ARMC1: variants seen among roughly 807,000 people sequenced by gnomAD.
ARMC1 encodes armadillo repeat-containing protein 1.
In ARMC1, 16 loss-of-function variants were observed where a neutral mutation model predicts 31.4. The ratio of observed to expected loss-of-function variants is 0.51; its 90% CI spans 0.34 to 0.77. The LOEUF (loss-of-function observed/expected upper bound fraction) is 0.77. Ranked by LOEUF, ARMC1 falls within the 30% of genes least tolerant of loss-of-function variation. The pLI is 0.01. For missense variants in ARMC1, 259 were observed against 347.5 expected, an observed-to-expected ratio of 0.75 and a Z score of 2.02; for synonymous variants, 114 against 118.9, an observed-to-expected ratio of 0.96 and a Z score of 0.27.
chr8:65,607,436 G>C (rs985315689), intron 4 of ARMC1, among the ~76,000 whole-genome samples: 1 of 152,252 alleles, frequency 6.6e-6, no homozygotes, highest in African/African-American at 2.4e-5. Context: ...ACCACAGGTA[G>C]AGTCTGGTAC....
chr8:65,607,603 C>T (rs780210088), intron 4 of ARMC1, among the ~76,000 whole-genome samples: 10 of 152,176 alleles, frequency 6.6e-5, no homozygotes, highest in Non-Finnish European at 1.2e-4. Flanking sequence ...TTTTGGTCAT[C>T]GCTGTATCCC....
intron 3 of ARMC1, among the ~76,000 whole-genome samples, chr8:65,620,914 T>C (rs1285543176): frequency 6.6e-6 from 1 of 151,568 alleles, no homozygotes; most frequent in Admixed American, 6.6e-5. Context: ...CTAGGCAACA[T>C]AGTGAGACCA....
At chr8:65,621,916 G>A (rs1259129510) in intron 3 of ARMC1, among the ~76,000 whole-genome samples, 7 of 151,872 alleles carry the variant, frequency 4.6e-5, no homozygotes, top group African/African-American at 1.7e-4. Context: ...TGACTAATTT[G>A]TAATTTTTCT....
chr8:65,626,168 G>A (rs1808507741), intron 2 of ARMC1, among the ~76,000 whole-genome samples: 1 of 152,124 alleles, frequency 6.6e-6, no homozygotes, highest in Admixed American at 6.6e-5. Flanking sequence ...TAGGATTACA[G>A]GAGTGAGCCA....
intron 2 of ARMC1, among the ~76,000 whole-genome samples, chr8:65,624,443 G>A (rs991573054): frequency 7.6e-6 from 1 of 130,858 alleles, no homozygotes; most frequent in African/African-American, 2.8e-5. Context: ...AGGTTGCAGT[G>A]AGCTGAGATT....
chr8:65,609,133 C>CTTT (rs63319761), intron 4 of ARMC1, among the ~76,000 whole-genome samples: 1 of 107,628 alleles, frequency 9.3e-6, no homozygotes, highest in African/African-American at 3.0e-5. Context: ...GGTTTCTGCT[C>CTTT]TTTTTTTTTT....
intron 4 of ARMC1, among the ~76,000 whole-genome samples, chr8:65,611,876 C>T (rs1244744914): frequency 3.3e-5 from 5 of 151,698 alleles, no homozygotes; most frequent in South Asian, 2.1e-4. Flanking sequence ...TGGGTTCAAG[C>T]GATTCTCCTG....
intron 3 of ARMC1, among the ~76,000 whole-genome samples, chr8:65,621,990 C>T (rs752551739): frequency 1.5e-4 from 23 of 151,508 alleles, no homozygotes; most frequent in Non-Finnish European, 2.5e-4. Flanking sequence ...CAGGCTAGAG[C>T]GCAATGGCAC....
intron 2 of ARMC1, among the ~76,000 whole-genome samples, chr8:65,624,202 T>C (rs917143509): frequency 2.0e-5 from 3 of 151,880 alleles, no homozygotes; most frequent in Admixed American, 6.6e-5. Context: ...AAGGTAAATA[T>C]AAAAGACCTT....
intron 4 of ARMC1, among the ~76,000 whole-genome samples, chr8:65,610,395 C>G (rs761665531): frequency 2.6e-5 from 4 of 151,918 alleles, no homozygotes; most frequent in Non-Finnish European, 5.9e-5. Context: ...CTGTGCCCAG[C>G]TGACAAAATA....
At chr8:65,621,570 GGGATCTCA>G (rs1808394740) in intron 3 of ARMC1, among the ~76,000 whole-genome samples, 1 of 151,728 alleles carries the variant, frequency 6.6e-6, no homozygotes, top group Admixed American at 6.6e-5. Context: ...GTGCAGTGGT[GGGATCTCA>G]CCTCACTGCA....
intron 3 of ARMC1, among the ~76,000 whole-genome samples, chr8:65,619,817 C>G (rs1808353698): frequency 6.6e-6 from 1 of 151,644 alleles, no homozygotes; most frequent in Admixed American, 6.6e-5. Flanking sequence ...AATCCTGTCT[C>G]TACTAAAAGC....
At chr8:65,617,146 G>A (rs1808288274) in intron 3 of ARMC1, among the ~76,000 whole-genome samples, 2 of 152,242 alleles carry the variant, frequency 1.3e-5, no homozygotes, top group Admixed American at 1.3e-4. Context: ...TTGAGAACGG[G>A]CCATGATGAC....
chr8:65,607,493 A>C (rs1808030452), intron 4 of ARMC1, among the ~76,000 whole-genome samples: 1 of 152,236 alleles, frequency 6.6e-6, no homozygotes, highest in Non-Finnish European at 1.5e-5. Context: ...TCATAAGTCT[A>C]ATTTATCTTT....
intron 2 of ARMC1, among the ~76,000 whole-genome samples, chr8:65,623,455 A>G (rs1320002528): frequency 1.3e-5 from 2 of 151,622 alleles, no homozygotes; most frequent in African/African-American, 4.8e-5. Flanking sequence ...CTAAAAATAC[A>G]AAAATTAGCC....
chr8:65,628,391 ATTTTTTTTTTTT>A (rs763494218), intron 1 of ARMC1, among the ~76,000 whole-genome samples: 2 of 78,808 alleles, frequency 2.5e-5, no homozygotes, highest in African/African-American at 4.9e-5. Flanking sequence ...CGCCCGGCTA[ATTTTTTTTTTTT>A]TTTTTTTTTT....
chr8:65,633,841 G>C (rs556466608), intron 1 of ARMC1, 157 bp downstream of exon 1: 2 of 152,480 alleles, frequency 1.3e-5, no homozygotes, highest in Admixed American at 6.5e-5. Flanking sequence ...CGTGGGGGTA[G>C]AGCGTGCTAA....
Position 65,627,247 on chromosome 8 carries a change from G to A in ARMC1, c.152C>T (p.Pro51Leu), listed in dbSNP as rs1808530350. 1 of 1,601,602 alleles carries A rather than the reference G, an allele frequency of 6.2e-7. No individual in the cohort carries two copies. The highest frequency in any genetic ancestry group is 1.7e-5 in the Admixed American group (1 of 58,082). The change falls in exon 2 of 7, where the codon CCC becomes CTC. Residue 51 changes from proline (P) to leucine (L), a missense_variant. Around this residue, in one of 3 missense-constraint regions of ARMC1, gnomAD observed 163 missense variants for 186.7 expected, o/e 0.87. Transcript: ENST00000276569. ...AGCGGAGTGGACGACTGGAGGGTTG[G>A]GATGGTCCATAAATAAAATAAGGCC... ...LPGLILFMDH[P>L]NPPVVHSALL...
At chr8:65,614,614 G>C (rs1050393257) in intron 3 of ARMC1, among the ~76,000 whole-genome samples, 2 of 152,020 alleles carry the variant, frequency 1.3e-5, no homozygotes, top group African/African-American at 4.8e-5. Context: ...TACACTCAAG[G>C]CCTTAAAATC....
Sources: gnomAD v4.1 joint callset for allele counts (sites outside exome capture counted in the v4.1 genomes callset) on GRCh38, gnomAD v4.1.1 for gene constraint, gnomAD v4.1.1 regional missense constraint, MANE v1.5 for transcripts, NCBI Gene and HGNC (gene_info 2026-07-23, HGNC 2026-07-21) for gene names.